The following MAP2K5 variants were observed in gnomAD, a reference collection of about 807,000 sequenced individuals.
MAP2K5 encodes the protein dual specificity mitogen-activated protein kinase kinase 5.
MAP2K5 carries 49 observed loss-of-function variants against 83.1 expected under a neutral mutation model. That is an observed-to-expected ratio of 0.59 (90% confidence interval 0.47 to 0.75). The LOEUF (loss-of-function observed/expected upper bound fraction) is 0.75. Ranked by LOEUF, MAP2K5 falls within the 30% of genes least tolerant of loss-of-function variation. MAP2K5 has a pLI of 0.00. For synonymous variants in MAP2K5, 202 were observed against 191.8 expected, an observed-to-expected ratio of 1.05 and a Z score of -0.44; for missense variants, 457 against 557.5, an observed-to-expected ratio of 0.82 and a Z score of 1.82.
At chr15:67,592,275 A>T (rs562949979) in intron 6 of MAP2K5, among the ~76,000 whole-genome samples, 352 of 152,324 alleles carry the variant, frequency 2.3e-3, no homozygotes, top group African/African-American at 8.2e-3. Context: ...TATTAATTTT[A>T]TTTGTAAAAA....
Position 67,592,971 on chromosome 15 carries a change from C to T in MAP2K5, c.477C>T (p.Gly159=), listed in dbSNP as rs770654435. ...AACTGAAAAAAATACTAGCCAATGG[C>T]CAGGTAGGTATTATTATATATTAAG... ...SAELKKILAN[G]QMNEQDIRYR... Residue 159 remains glycine, a synonymous_variant, in exon 7 of 22, where the codon GGC becomes GGT. Coordinates refer to ENST00000178640, the MANE Select transcript of MAP2K5 (RefSeq NM_145160.3). 2.5e-6 allele frequency: 4 copies of T among 1,592,064 alleles called. No homozygotes were observed. In the Admixed American group the frequency reaches 5.1e-5, roughly 20 times the overall value.
At chr15:67,692,332 G>T in intron 13 of MAP2K5, 147 bp from the exon 14 acceptor site, 2 of 552,338 alleles carry the variant, frequency 3.6e-6, no homozygotes, top group Non-Finnish European at 6.6e-6. Context: ...AAAAAAAAAT[G>T]CTTTTCATTA....
rs2141300808 is a variant in MAP2K5, at chr15:67,769,790, G to A, written c.1196+127G>A. The A allele has an allele frequency of 3.9e-6, 3 of 763,252 alleles. No homozygotes were observed. The highest frequency in any genetic ancestry group is 5.1e-5 in the Admixed American group (2 of 38,948). 47.3% of individuals were successfully genotyped at this position (763,252 alleles called of 1,614,324 possible). ...AGACAGGAGGGACTTCGGGGCCTTG[G>A]GCAGATGGGGCAGCAAAGCTGAAGA... is the stretch of plus-strand genomic sequence containing the variant. On this transcript the variant is annotated intron_variant, in intron 20 of 21. Coordinates refer to ENST00000178640, the MANE Select transcript of MAP2K5 (RefSeq NM_145160.3). This position sits in a 1 kb window ranked among gnomAD's most constrained non-coding sequence, Gnocchi z 5.2.
rs1340808008 is a variant in MAP2K5, at chr15:67,557,142, C to G, written c.185-6141C>G. Among the ~76,000 whole-genome samples the G allele has an allele frequency of 5.9e-5, 9 of 152,196 alleles. No individual in the cohort carries two copies. In the East Asian group the frequency reaches 1.7e-3, roughly 29 times the overall value. On this transcript the variant is annotated intron_variant, in intron 2 of 21. Coordinates refer to ENST00000178640, the MANE Select transcript of MAP2K5 (RefSeq NM_145160.3). ...TTTCATTAGCAGATTAATGAGTACA[C>G]CAACACATGAGGTGATAAAAATCAA...
chr15:67,643,286 A>G (rs1300857390), intron 9 of MAP2K5, among the ~76,000 whole-genome samples: 4 of 152,236 alleles, frequency 2.6e-5, no homozygotes, highest in African/African-American at 9.6e-5. Context: ...CTGATGCTAG[A>G]TGAATTAATT....
At chr15:67,614,680 G>T (rs993642312) in intron 8 of MAP2K5, among the ~76,000 whole-genome samples, 1 of 152,170 alleles carries the variant, frequency 6.6e-6, no homozygotes, top group Non-Finnish European at 1.5e-5. Context: ...AGTTGATGTG[G>T]AGAGTGTTAA....
intron 3 of MAP2K5, among the ~76,000 whole-genome samples, chr15:67,578,663 G>A (rs2085113731): frequency 6.6e-6 from 1 of 151,752 alleles, no homozygotes; most frequent in Admixed American, 6.6e-5. Context: ...GATGTTTATA[G>A]ATGGCTTAAA....
Position 67,724,380 on chromosome 15 carries a change from C to T in MAP2K5, c.1045-3536C>T, listed in dbSNP as rs1007055200. ...ACTTTTGACAGCCTCGTGGAGAACTCGTTCTTTTTTATTTATTTATTTATT... is the reference window on the plus strand; with the variant it reads ...ACTTTTGACAGCCTCGTGGAGAACTTGTTCTTTTTTATTTATTTATTTATT... On this transcript the variant is annotated intron_variant, in intron 16 of 21. Transcript: ENST00000178640. The surrounding 1 kb of genome is among the most constrained non-coding windows in gnomAD (Gnocchi z 4.4). 1.3e-5 allele frequency among the ~76,000 whole-genome samples: 2 copies of T among 151,964 alleles called. No individual in the cohort carries two copies. Among genetic ancestry groups the T allele is most frequent in the Non-Finnish European group, 2.9e-5 (2 of 67,994 alleles).
At chr15:67,792,998 A>G (rs1438005191) in intron 21 of MAP2K5, among the ~76,000 whole-genome samples, 2 of 152,268 alleles carry the variant, frequency 1.3e-5, no homozygotes, top group Admixed American at 6.5e-5. Context: ...GAGCTGCTCC[A>G]TGTAAGAAAA....
chr15:67,712,533 A>G (rs1465572433), intron 16 of MAP2K5, among the ~76,000 whole-genome samples: 1 of 152,232 alleles, frequency 6.6e-6, no homozygotes, highest in Non-Finnish European at 1.5e-5. Context: ...TCAGAGGACT[A>G]AAGAGAAAAT....
At position 67,778,390 on chromosome 15, in the gene MAP2K5, T is replaced by A. The variant is rs1258354235; in HGVS notation, c.1242+5638T>A. On this transcript the variant is annotated intron_variant, in intron 21 of 21. Transcript: ENST00000178640. This position sits in a 1 kb window ranked among gnomAD's most constrained non-coding sequence, Gnocchi z 5.0. Reference sequence around the variant, plus strand: ...CAACACTCAAATTCCAGTGTGACTTTGGGCTTCACACCAAATGGCTTTGTT... The same window carrying A: ...CAACACTCAAATTCCAGTGTGACTTAGGGCTTCACACCAAATGGCTTTGTT... Among the ~76,000 whole-genome samples, 1 of 152,240 alleles carries A rather than the reference T, an allele frequency of 6.6e-6. No homozygotes were observed. Among genetic ancestry groups the A allele is most frequent in the Non-Finnish European group, 1.5e-5 (1 of 68,042 alleles).
In MAP2K5 at chr15:67,758,638, A is replaced by G. The variant is rs1339656375; in HGVS notation, c.1134+10037A>G. ...TTTTTTCAAGACCTCAGAAATACAA[A>G]TCCAAAAAGTGACAGAGAATATATG... On this transcript the variant is annotated intron_variant, in intron 19 of 21. Coordinates refer to ENST00000178640, the MANE Select transcript of MAP2K5 (RefSeq NM_145160.3). The surrounding 1 kb of genome is among the most constrained non-coding windows in gnomAD (Gnocchi z 4.7). Among the ~76,000 whole-genome samples the G allele has an allele frequency of 6.6e-6, 1 of 152,176 alleles. No individual in the cohort carries two copies. Among genetic ancestry groups the G allele is most frequent in the Non-Finnish European group, 1.5e-5 (1 of 68,032 alleles).
In MAP2K5 at chr15:67,793,436, G is replaced by T. The variant is rs534820713; in HGVS notation, c.1243-13210G>T. On this transcript the variant is annotated intron_variant, in intron 21 of 21. Coordinates refer to ENST00000178640, the MANE Select transcript of MAP2K5 (RefSeq NM_145160.3). This position sits in a 1 kb window ranked among gnomAD's most constrained non-coding sequence, Gnocchi z 4.6. ...TTTTTTGTTTTTGTTGTATAGTTTT[G>T]CTAGTAGATGTCATTTCTTGCTGCT... Among the ~76,000 whole-genome samples the T allele has an allele frequency of 2.0e-5, 3 of 152,248 alleles. No homozygotes were observed. The South Asian group carries it at 6.2e-4, about 32-fold the overall frequency.
At chr15:67,616,722 C>G (rs2086063922) in intron 8 of MAP2K5, among the ~76,000 whole-genome samples, 1 of 152,098 alleles carries the variant, frequency 6.6e-6, no homozygotes, top group Non-Finnish European at 1.5e-5. Context: ...GCAAAATAAC[C>G]ATCACTTTCT....
At chr15:67,650,599 G>T (rs892453091) in intron 11 of MAP2K5, among the ~76,000 whole-genome samples, 3 of 150,646 alleles carry the variant, frequency 2.0e-5, no homozygotes, top group Admixed American at 2.0e-4. Context: ...TGCATATTTG[G>T]TCCTTTATTC....
In MAP2K5 at chr15:67,794,593, C is replaced by T. The variant is rs2090572526; in HGVS notation, c.1243-12053C>T. Among the ~76,000 whole-genome samples the T allele has an allele frequency of 6.8e-6, 1 of 147,452 alleles. No individual in the cohort carries two copies. Among genetic ancestry groups the T allele is most frequent in the African/African-American group, 2.5e-5 (1 of 39,288 alleles). ...AGCTCCCTGCACTCCTGACCCTCAGCAGCCCATTCCACTGAGGGTCGGGTA... is the reference window on the plus strand; with the variant it reads ...AGCTCCCTGCACTCCTGACCCTCAGTAGCCCATTCCACTGAGGGTCGGGTA... On this transcript the variant is annotated intron_variant, in intron 21 of 21. Coordinates refer to ENST00000178640, the MANE Select transcript of MAP2K5 (RefSeq NM_145160.3). The surrounding 1 kb of genome is among the most constrained non-coding windows in gnomAD (Gnocchi z 4.6).
intron 3 of MAP2K5, among the ~76,000 whole-genome samples, chr15:67,564,201 G>A (rs2084795647): frequency 6.6e-6 from 1 of 152,218 alleles, no homozygotes; most frequent in African/African-American, 2.4e-5. Context: ...TTTCAGTGCT[G>A]TAGTTGCCTC....
At position 67,635,426 on chromosome 15, in the gene MAP2K5, C is replaced by T. The variant is rs764440289; in HGVS notation, c.585+4499C>T. Among the ~76,000 whole-genome samples the T allele has an allele frequency of 4.9e-4, 74 of 152,196 alleles. 1 individual carries two copies. The highest frequency in any genetic ancestry group is 1.1e-3 in the African/African-American group (44 of 41,548). ...TCCTGACCTTGTGATCTGCCCACCT[C>T]GGCCTCCCAAAGTGCAGGGATTACA... On this transcript the variant is annotated intron_variant, in intron 9 of 21. Transcript: ENST00000178640.
At chr15:67,605,451 G>A (rs1487505233) in intron 8 of MAP2K5, among the ~76,000 whole-genome samples, 1 of 152,064 alleles carries the variant, frequency 6.6e-6, no homozygotes, top group Non-Finnish European at 1.5e-5. Context: ...TTATACTTCT[G>A]TATTTTCTTC....
Sources: allele counts gnomAD v4.1 joint callset (sites outside exome capture counted in the v4.1 genomes callset), GRCh38; gene constraint gnomAD v4.1.1; non-coding constraint Gnocchi (gnomAD v3.1); transcripts MANE v1.5; gene names NCBI Gene and HGNC (gene_info 2026-07-23, HGNC 2026-07-21).